ATP6V1C2: variants seen among roughly 807,000 people sequenced by gnomAD.
ATP6V1C2 encodes the protein V-type proton ATPase subunit C 2.
Under a neutral mutation model 56.8 loss-of-function variants are expected in ATP6V1C2, and 45 were observed. The observed-to-expected ratio is 0.79, with a 90% CI of 0.62 to 1.02. The LOEUF (loss-of-function observed/expected upper bound fraction) is 1.02, where lower values mean the gene tolerates loss of function less well. Among genes scored for constraint, ATP6V1C2 ranks in the 50% least tolerant of loss-of-function variants. The probability of loss-of-function intolerance (pLI) is 0.00; values close to 1 mark genes in which losing one functional copy is unlikely to be tolerated. For synonymous variants in ATP6V1C2, 220 were observed against 201.3 expected (o/e 1.09, Z -0.79); for missense variants, 463 against 519.7 (o/e 0.89, Z 1.06).
rs17364770 is a variant in ATP6V1C2 at position 10,780,513 on chromosome 2, C to T, written c.1062-1730C>T. ...GTACCCATGCGCACCTGTGCACGCCCATCTCAAAAGCCTGTACCGACACGG... is the reference window on the plus strand; with the variant it reads ...GTACCCATGCGCACCTGTGCACGCCTATCTCAAAAGCCTGTACCGACACGG... On this transcript the variant is annotated intron_variant, in intron 12 of 13. Transcript: ENST00000272238. The surrounding 1 kb of genome is among the most constrained non-coding windows in gnomAD (Gnocchi z 4.1). Among the ~76,000 whole-genome samples, 12,534 of 152,252 alleles carry T rather than the reference C, an allele frequency of 0.082. 653 individuals are homozygous for T. Among genetic ancestry groups the T allele is most frequent in the South Asian group, 0.15 (726 of 4,824 alleles).
At chr2:10,762,145 A>AT (rs569224455) in intron 4 of ATP6V1C2, among the ~76,000 whole-genome samples, 35,732 of 139,682 alleles carry the variant, frequency 0.26, 5,082 homozygotes, top group African/African-American at 0.38. Flanking sequence ...TGAAGCATAA[A>AT]TTTTTTTTTT....
At chr2:10,736,406 A>G (rs779534939) in intron 3 of ATP6V1C2, among the ~76,000 whole-genome samples, 1 of 152,218 alleles carries the variant, frequency 6.6e-6, no homozygotes, top group African/African-American at 2.4e-5. Flanking sequence ...CTAGAAAATC[A>G]TTAGTTTCAT....
intron 3 of ATP6V1C2, among the ~76,000 whole-genome samples, chr2:10,748,952 C>T (rs527581252): frequency 6.6e-6 from 1 of 151,490 alleles, no homozygotes; most frequent in East Asian, 2.0e-4. Flanking sequence ...AACATGGTGA[C>T]ACCCTGTCTC....
In ATP6V1C2 at chr2:10,780,469, A is replaced by G. The variant is rs1448619136; in HGVS notation, c.1062-1774A>G. Among the ~76,000 whole-genome samples, 2 of 152,052 alleles carry G rather than the reference A, an allele frequency of 1.3e-5. No homozygotes were observed. The highest frequency in any genetic ancestry group is 2.4e-5 in the African/African-American group (1 of 41,406). ...GGTTCCTGGTTCTTCTGCCCTGCACATGCACCGCACCCACACCTGTACCCA... is the reference window on the plus strand; with the variant it reads ...GGTTCCTGGTTCTTCTGCCCTGCACGTGCACCGCACCCACACCTGTACCCA... On this transcript the variant is annotated intron_variant, in intron 12 of 13. Coordinates refer to ENST00000272238, the MANE Select transcript of ATP6V1C2 (RefSeq NM_001039362.2). The surrounding 1 kb of genome is among the most constrained non-coding windows in gnomAD (Gnocchi z 4.1).
intron 12 of ATP6V1C2, among the ~76,000 whole-genome samples, chr2:10,779,137 T>G (rs571231252): frequency 1.7e-4 from 26 of 151,536 alleles, no homozygotes; most frequent in Admixed American, 1.4e-3. Context: ...GGAGTTTCAC[T>G]CTTGTCGCCC....
chr2:10,754,956 C>T (rs909898582), intron 4 of ATP6V1C2, among the ~76,000 whole-genome samples: 7 of 152,138 alleles, frequency 4.6e-5, no homozygotes, highest in African/African-American at 1.7e-4. Flanking sequence ...CAGCCTTAAC[C>T]TCTCAGGCTC....
chr2:10,752,591 C>T (rs777035406), intron 3 of ATP6V1C2, among the ~76,000 whole-genome samples: 1 of 152,272 alleles, frequency 6.6e-6, no homozygotes, highest in South Asian at 2.1e-4. Context: ...GGAGCAGACT[C>T]TCCTTGCTAC....
chr2:10,750,885 CAGTGCTTGGCGCATAGTAGTTGTT>C lies in ATP6V1C2; in HGVS notation c.198-3062_198-3039del, dbSNP rs1380407098. Among the ~76,000 whole-genome samples, 61 of 152,270 alleles carry C rather than the reference CAGTGCTTGGCGCATAGTAGTTGTT, an allele frequency of 4.0e-4. 1 individual carries two copies. The East Asian group carries it at 6.9e-3, about 17-fold the overall frequency. ...TTGTTTTGTCCATGACATTTTAGAA[CAGTGCTTGGCGCATAGTAGTTGTT>C]AGTGCTTGGCGCATAGTAGTTGTTA... On this transcript the variant is annotated intron_variant, in intron 3 of 13. Transcript: ENST00000272238.
rs34670802 is a variant in ATP6V1C2, at chr2:10,780,749, CT to C, written c.1062-1480del. ...CGATGGGCCAGCCGCTCCTGGGGTC[CT>C]TTTTTTTTTTTTTGAGATGGACTCT... On this transcript the variant is annotated intron_variant, in intron 12 of 13. Coordinates refer to ENST00000272238, the MANE Select transcript of ATP6V1C2 (RefSeq NM_001039362.2). This position sits in a 1 kb window ranked among gnomAD's most constrained non-coding sequence, Gnocchi z 4.1. 0.058 allele frequency among the ~76,000 whole-genome samples: 8,304 copies of C among 144,084 alleles called. 317 individuals carry two copies. Among genetic ancestry groups the C allele is most frequent in the East Asian group, 0.11 (545 of 4,960 alleles). The allele number at this position is 144,084 out of a possible 152,430, so 94.5% of individuals were successfully genotyped here. A position where few individuals can be genotyped will look rare whatever the true frequency, so the allele number is the denominator to read the frequency against.
chr2:10,753,199 A>G (rs1663319915), intron 3 of ATP6V1C2, among the ~76,000 whole-genome samples: 1 of 152,204 alleles, frequency 6.6e-6, no homozygotes, highest in South Asian at 2.1e-4. Flanking sequence ...TAAAGTAGGA[A>G]AAACACTTTC....
At chr2:10,758,525 A>G (rs1663686036) in intron 4 of ATP6V1C2, among the ~76,000 whole-genome samples, 1 of 152,152 alleles carries the variant, frequency 6.6e-6, no homozygotes, top group Admixed American at 6.5e-5. Flanking sequence ...GTTCGAGGCT[A>G]TAGTGCCCTG....
At chr2:10,774,652 G>T in intron 8 of ATP6V1C2, 136 bp from the exon 9 acceptor site, 2 of 739,612 alleles carry the variant, frequency 2.7e-6, no homozygotes, top group Non-Finnish European at 4.7e-6. Context: ...GAAATCTCAG[G>T]GAGTGTCCTT....
chr2:10,733,234 G>A (rs573828859), intron 3 of ATP6V1C2, among the ~76,000 whole-genome samples: 4 of 152,270 alleles, frequency 2.6e-5, no homozygotes, highest in East Asian at 1.9e-4. Flanking sequence ...AGGGGTCAGG[G>A]TGTCCTGTGT....
intron 6 of ATP6V1C2, 87 bp downstream of exon 6, chr2:10,768,897 G>A (rs866282018): frequency 1.9e-6 from 2 of 1,056,892 alleles, no homozygotes; most frequent in Middle Eastern, 2.7e-4. Flanking sequence ...GGCCACCTGG[G>A]AGTCTGTGCC....
intron 3 of ATP6V1C2, among the ~76,000 whole-genome samples, chr2:10,738,123 G>A (rs989246410): frequency 6.6e-6 from 1 of 152,152 alleles, no homozygotes; most frequent in African/African-American, 2.4e-5. Flanking sequence ...TGCCATGGAT[G>A]GATAAATGAG....
intron 3 of ATP6V1C2, among the ~76,000 whole-genome samples, chr2:10,734,801 C>G (rs1202761270): frequency 6.6e-6 from 1 of 152,182 alleles, no homozygotes; most frequent in Non-Finnish European, 1.5e-5. Flanking sequence ...CCATTCCACC[C>G]TCCTCCCCGA....
At chr2:10,736,202 C>T (rs778476091) in intron 3 of ATP6V1C2, among the ~76,000 whole-genome samples, 6 of 152,176 alleles carry the variant, frequency 3.9e-5, no homozygotes, top group African/African-American at 1.4e-4. Context: ...GGCCCTGCCA[C>T]TGTGCTTTGA....
At chr2:10,723,680 A>T (rs1661480209) in intron 2 of ATP6V1C2, among the ~76,000 whole-genome samples, 1 of 151,756 alleles carries the variant, frequency 6.6e-6, no homozygotes. Flanking sequence ...CTACTAAAAA[A>T]TACAAAAAAA....
chr2:10,764,181 T>C, intron 4 of ATP6V1C2, 150 bp from the exon 5 acceptor site: 1 of 641,956 alleles, frequency 1.6e-6, no homozygotes, highest in Admixed American at 2.4e-5. Flanking sequence ...CAGGGAACGT[T>C]TGCTTTTCCA....
Sources: gnomAD v4.1 joint callset for allele counts (sites outside exome capture counted in the v4.1 genomes callset) on GRCh38, gnomAD v4.1.1 for gene constraint, Gnocchi (gnomAD v3.1) non-coding constraint, MANE v1.5 for transcripts, NCBI Gene and HGNC (gene_info 2026-07-23, HGNC 2026-07-21) for gene names.